The following TMED3 variants were observed in gnomAD, a reference collection of about 807,000 sequenced individuals.
TMED3 encodes the protein transmembrane emp24 domain-containing protein 3.
Under a neutral mutation model 15.0 loss-of-function variants are expected in TMED3, and 9 were observed. The ratio of observed to expected loss-of-function variants is 0.60; its 90% confidence interval spans 0.36 to 1.04. The LOEUF (loss-of-function observed/expected upper bound fraction) is 1.04. TMED3 is among the 50% of genes least tolerant of loss of function. The probability of loss-of-function intolerance (pLI) is 0.01; values close to 1 mark genes in which losing one functional copy is unlikely to be tolerated. For missense variants in TMED3, 267 were observed against 278.9 expected, an observed-to-expected ratio of 0.96 and a Z score of 0.30; for synonymous variants, 117 against 121.4, an observed-to-expected ratio of 0.96 and a Z score of 0.24.
At chr15:79,342,461 T>A (rs1475705861) in intron 2 of TMED3, among the ~76,000 whole-genome samples, 1 of 151,670 alleles carries the variant, frequency 6.6e-6, no homozygotes, top group East Asian at 1.9e-4. Flanking sequence ...TCCAGGTAGA[T>A]AAAAATTGTA....
At chr15:79,377,772 G>A (rs1325558009) in intron 2 of TMED3, among the ~76,000 whole-genome samples, 1 of 148,378 alleles carries the variant, frequency 6.7e-6, no homozygotes, top group African/African-American at 2.5e-5. Flanking sequence ...TCAGCCTCCC[G>A]AGTAGCTGGG....
chr15:79,382,880 C>A, intron 2 of TMED3: 2 of 1,258,424 alleles, frequency 1.6e-6, no homozygotes, highest in Non-Finnish European at 2.2e-6. Context: ...GTATCTCATA[C>A]TATTGTTCTT....
chr15:79,389,382 C>T (rs1316467801), intron 2 of TMED3, among the ~76,000 whole-genome samples: 1 of 152,006 alleles, frequency 6.6e-6, no homozygotes, highest in Admixed American at 6.6e-5. Context: ...TTTGCTTTGT[C>T]GAAGATCAGT....
chr15:79,315,865 A>G (rs2058738296), intron 2 of TMED3: 1 of 152,246 alleles, frequency 6.6e-6, no homozygotes, highest in Non-Finnish European at 1.5e-5. Flanking sequence ...GCACCCTGCA[A>G]GGAGCGCAGC....
chr15:79,369,595 T>C (rs1480440590), intron 2 of TMED3, among the ~76,000 whole-genome samples: 2 of 152,370 alleles, frequency 1.3e-5, no homozygotes, highest in East Asian at 1.9e-4. Flanking sequence ...CTAACCCGCA[T>C]TTCAGTTACA....
chr15:79,345,434 A>G (rs2058866812), intron 2 of TMED3, among the ~76,000 whole-genome samples: 1 of 152,186 alleles, frequency 6.6e-6, no homozygotes, highest in Non-Finnish European at 1.5e-5. Flanking sequence ...TTTGCTAAGG[A>G]TAATGACCTC....
intron 2 of TMED3, among the ~76,000 whole-genome samples, chr15:79,405,573 C>A (rs1404186461): frequency 2.0e-5 from 3 of 152,212 alleles, no homozygotes; most frequent in Non-Finnish European, 4.4e-5. Flanking sequence ...AGCAACCAAT[C>A]TTACAGGGAA....
At chr15:79,405,157 A>G (rs1001157512) in intron 2 of TMED3, among the ~76,000 whole-genome samples, 2 of 152,220 alleles carry the variant, frequency 1.3e-5, no homozygotes, top group South Asian at 2.1e-4. Flanking sequence ...TTCTGTGGTC[A>G]GGAACTCAGG....
chr15:79,393,122 A>G (rs946764811), intron 2 of TMED3, among the ~76,000 whole-genome samples: 6 of 152,200 alleles, frequency 3.9e-5, no homozygotes, highest in Admixed American at 2.0e-4. Context: ...TTGATCCTTT[A>G]AAGAGAAGCT....
intron 2 of TMED3, among the ~76,000 whole-genome samples, chr15:79,403,027 C>T (rs891320728): frequency 2.7e-5 from 4 of 150,926 alleles, no homozygotes; most frequent in African/African-American, 4.9e-5. Flanking sequence ...GAGACCAGCG[C>T]GGCCAACACA....
At chr15:79,353,045 TATATAA>T (rs1217322911) in intron 2 of TMED3, among the ~76,000 whole-genome samples, 7 of 100,256 alleles carry the variant, frequency 7.0e-5, no homozygotes, top group Non-Finnish European at 1.1e-4. Flanking sequence ...ATATATTATA[TATATAA>T]AAAATGTATA....
intron 2 of TMED3, among the ~76,000 whole-genome samples, chr15:79,360,204 G>T (rs1357120993): frequency 2.0e-5 from 3 of 152,164 alleles, no homozygotes; most frequent in Non-Finnish European, 4.4e-5. Context: ...GGACCCCCAA[G>T]ATGTTGAATC....
At chr15:79,404,604 TCCTC>T (rs1893877517) in intron 2 of TMED3, among the ~76,000 whole-genome samples, 1 of 152,234 alleles carries the variant, frequency 6.6e-6, no homozygotes, top group East Asian at 1.9e-4. Context: ...CATCAGTCCT[TCCTC>T]AGGCCTTTCC....
At chr15:79,387,619 CAT>C (rs1011974491) in intron 2 of TMED3, among the ~76,000 whole-genome samples, 41 of 149,848 alleles carry the variant, frequency 2.7e-4, no homozygotes, top group African/African-American at 8.0e-4. Context: ...CACACACACA[CAT>C]ACACACACAC....
chr15:79,352,130 G>C (rs1424888497), intron 2 of TMED3, among the ~76,000 whole-genome samples: 1 of 152,026 alleles, frequency 6.6e-6, no homozygotes, highest in Non-Finnish European at 1.5e-5. Context: ...ACACTGCACG[G>C]GTGATGGGTG....
chr15:79,401,867 C>T (rs1893838400), intron 2 of TMED3, among the ~76,000 whole-genome samples: 2 of 152,128 alleles, frequency 1.3e-5, no homozygotes, highest in African/African-American at 4.8e-5. Flanking sequence ...CGATTGAAAT[C>T]CCATCAATAG....
At chr15:79,380,560 T>C (rs538457871) in intron 2 of TMED3, among the ~76,000 whole-genome samples, 210 of 145,668 alleles carry the variant, frequency 1.4e-3, no homozygotes, top group African/African-American at 5.1e-3. Flanking sequence ...GTTGTATATA[T>C]GTAGTTACAT....
In TMED3 at chr15:79,331,542, C is replaced by CAA. The variant is rs71451761; in HGVS notation, c.417+17555_417+17556dup. Reference sequence around the variant, plus strand: ...ACCTCAAAAGAACAGGCAAAAGAAGCAAAAAAAAAAAAAAAAAAAGGATAA... The same window carrying CAA: ...ACCTCAAAAGAACAGGCAAAAGAAGCAAAAAAAAAAAAAAAAAAAAAGGATAA... On this transcript the variant is annotated intron_variant, in intron 2 of 2. Transcript: ENST00000424155. Among the ~76,000 whole-genome samples, 262 of 89,226 alleles carry CAA rather than the reference C, an allele frequency of 2.9e-3. 1 individual carries two copies. The highest frequency in any genetic ancestry group is 0.011 in the African/African-American group (225 of 20,380). 58.5% of individuals were successfully genotyped at this position (89,226 alleles called of 152,430 possible).
At chr15:79,405,812 A>C (rs1375499531) in intron 2 of TMED3, among the ~76,000 whole-genome samples, 1 of 152,210 alleles carries the variant, frequency 6.6e-6, no homozygotes, top group East Asian at 1.9e-4. Flanking sequence ...TGCATACTCT[A>C]CTAAGACAGA....
Sources: allele counts gnomAD v4.1 joint callset (sites outside exome capture counted in the v4.1 genomes callset), GRCh38; gene constraint gnomAD v4.1.1; transcripts MANE v1.5; gene names NCBI Gene and HGNC (gene_info 2026-07-23, HGNC 2026-07-21).